MINDY4B: variants seen among roughly 807,000 people sequenced by gnomAD.
MINDY4B encodes inactive ubiquitin carboxyl-terminal hydrolase MINDY-4B.
A neutral mutation model predicts 16.7 loss-of-function variants in MINDY4B; 25 were observed. The observed-to-expected ratio is 1.49, with a 90% CI of 1.09 to 2.09. The LOEUF is 2.09. Ranked by LOEUF, MINDY4B falls within the 30% of genes most tolerant of loss-of-function variation. The probability of loss-of-function intolerance (pLI) is 0.00; values close to 1 mark genes in which losing one functional copy is unlikely to be tolerated. For missense variants in MINDY4B, 327 were observed against 168.4 expected (o/e 1.94, Z -5.21); for synonymous variants, 132 against 61.9 (o/e 2.13, Z -5.32).
At position 150,890,933 on chromosome 3, in the gene MINDY4B, C is replaced by T; in HGVS notation, c.687+5G>A. 1.4e-6 allele frequency: 1 copy of T among 702,340 alleles called. No homozygotes were observed. The highest frequency in any genetic ancestry group is 1.5e-5 in the South Asian group (1 of 67,564). 43.5% of individuals were successfully genotyped at this position (702,340 alleles called of 1,614,324 possible). On this transcript the variant is annotated splice_donor_5th_base_variant and intron_variant, in intron 6 of 11. Coordinates refer to ENST00000465419, the MANE Select transcript of MINDY4B (RefSeq NM_001351281.2). ...ATCTGCCAGGACAGGGAGAACTGCA[C>T]TTACTCGCTCAGTGAAATTGTCCAC...
chr3:150,897,790 G>A (rs1210027081), intron 3 of MINDY4B, among the ~76,000 whole-genome samples: 1 of 152,182 alleles, frequency 6.6e-6, no homozygotes, highest in Non-Finnish European at 1.5e-5. Context: ...CAATGCAATA[G>A]CACTTCAAGG....
At chr3:150,899,085 G>T (rs180858066) in intron 3 of MINDY4B, among the ~76,000 whole-genome samples, 138 of 152,286 alleles carry the variant, frequency 9.1e-4, no homozygotes, top group African/African-American at 3.3e-3. Flanking sequence ...TATCATGTTT[G>T]CCATCAATTT....
intron 8 of MINDY4B, 105 bp from the exon 9 acceptor site, chr3:150,883,877 T>C (rs1711565607): frequency 4.6e-6 from 3 of 652,550 alleles, no homozygotes; most frequent in Non-Finnish European, 8.4e-6. Flanking sequence ...CGGGCTCTCC[T>C]AGTCACTGTT....
rs190411882 is a variant in MINDY4B at position 150,892,614 on chromosome 3, G to C, written c.521+710C>G. ...AAACTTGAGCTGATCTTTAAAAATAGGCAAAAACCAAACATCATACCTTAT... is the reference window on the plus strand; with the variant it reads ...AAACTTGAGCTGATCTTTAAAAATACGCAAAAACCAAACATCATACCTTAT... On this transcript the variant is annotated intron_variant, in intron 5 of 11. Coordinates refer to ENST00000465419, the MANE Select transcript of MINDY4B (RefSeq NM_001351281.2). Among the ~76,000 whole-genome samples the C allele has an allele frequency of 4.5e-3, 684 of 152,166 alleles. 5 individuals are homozygous for C. The highest frequency in any genetic ancestry group is 8.4e-3 in the Non-Finnish European group (570 of 67,994).
chr3:150,894,867 G>A (rs752047538), intron 3 of MINDY4B, among the ~76,000 whole-genome samples: 7 of 152,144 alleles, frequency 4.6e-5, no homozygotes, highest in African/African-American at 9.7e-5. Flanking sequence ...GCATGTACTC[G>A]ATCTTGTGTG....
chr3:150,902,479 G>A (rs1418266899), intron 3 of MINDY4B, among the ~76,000 whole-genome samples: 1 of 152,182 alleles, frequency 6.6e-6, no homozygotes, highest in Non-Finnish European at 1.5e-5. Context: ...CAGCCTCTCT[G>A]GTACTTTTAC....
chr3:150,881,270 G>C (rs1318317549), intron 10 of MINDY4B, among the ~76,000 whole-genome samples: 1 of 152,158 alleles, frequency 6.6e-6, no homozygotes, highest in Non-Finnish European at 1.5e-5. Context: ...TGTAATCCCA[G>C]CTACTCGTGA....
intron 3 of MINDY4B, 36 bp downstream of exon 3, chr3:150,903,213 G>A (rs934059963): frequency 6.8e-5 from 27 of 398,194 alleles, no homozygotes; most frequent in African/African-American, 3.3e-4. Flanking sequence ...GGAAGATTAC[G>A]TTTCATTTCA....
chr3:150,876,787 CAG>C (rs1306979264), intron 10 of MINDY4B, among the ~76,000 whole-genome samples: 3 of 152,104 alleles, frequency 2.0e-5, no homozygotes, highest in African/African-American at 7.2e-5. Flanking sequence ...CCTGAAAAAT[CAG>C]AGTGGATTTT....
At chr3:150,903,179 A>C (rs1368455682) in intron 3 of MINDY4B, 70 bp downstream of exon 3, 2 of 397,884 alleles carry the variant, frequency 5.0e-6, no homozygotes, top group Non-Finnish European at 4.4e-6. Flanking sequence ...GCAGGAGATA[A>C]GATTCCCCAG....
chr3:150,884,635 C>T (rs1711578155), intron 8 of MINDY4B, among the ~76,000 whole-genome samples: 1 of 79,376 alleles, frequency 1.3e-5, no homozygotes, highest in Admixed American at 1.0e-4. Context: ...TGATAACATA[C>T]AGCATAAAAT....
intron 10 of MINDY4B, among the ~76,000 whole-genome samples, chr3:150,878,767 A>AT (rs1358815319): frequency 6.6e-6 from 1 of 152,134 alleles, no homozygotes; most frequent in Non-Finnish European, 1.5e-5. Context: ...GAAAGCTCTT[A>AT]TTTTTTTACC....
intron 10 of MINDY4B, among the ~76,000 whole-genome samples, chr3:150,882,220 A>G (rs900044953): frequency 6.6e-6 from 1 of 152,066 alleles, no homozygotes; most frequent in Admixed American, 6.5e-5. Flanking sequence ...GTGGTTTGGG[A>G]TGGGTATATT....
intron 3 of MINDY4B, among the ~76,000 whole-genome samples, chr3:150,899,675 T>C (rs547641681): frequency 3.0e-4 from 46 of 152,204 alleles, no homozygotes; most frequent in African/African-American, 1.0e-3. Flanking sequence ...TTGCTACAGG[T>C]CAGCCTCTCT....
At chr3:150,888,102 G>A (rs956860858) in intron 7 of MINDY4B, among the ~76,000 whole-genome samples, 7 of 151,930 alleles carry the variant, frequency 4.6e-5, no homozygotes, top group Admixed American at 6.6e-5. Context: ...GCAAGATTCC[G>A]TCTCAAAAAA....
chr3:150,884,979 C>A (rs545255223), intron 8 of MINDY4B, among the ~76,000 whole-genome samples: 1 of 152,294 alleles, frequency 6.6e-6, no homozygotes, highest in South Asian at 2.1e-4. Context: ...TTTGTACTTT[C>A]CACTGTGCCA....
chr3:150,894,896 AGT>A (rs1374250316), intron 3 of MINDY4B, among the ~76,000 whole-genome samples: 2 of 152,248 alleles, frequency 1.3e-5, no homozygotes, highest in Non-Finnish European at 2.9e-5. Context: ...TTATGTAAAA[AGT>A]CTAACACCCC....
chr3:150,887,068 A>C (rs920053823), intron 7 of MINDY4B, among the ~76,000 whole-genome samples: 6 of 152,238 alleles, frequency 3.9e-5, no homozygotes, highest in Non-Finnish European at 8.8e-5. Context: ...CAATAATAAT[A>C]GTGTAGAACA....
At chr3:150,890,190 G>T in intron 7 of MINDY4B, 130 bp downstream of exon 7, 1 of 421,170 alleles carries the variant, frequency 2.4e-6, no homozygotes, top group East Asian at 3.5e-5. Flanking sequence ...CTCTCATTCT[G>T]CCCTTTCTTA....
Sources: gnomAD v4.1 joint callset for allele counts (sites outside exome capture counted in the v4.1 genomes callset) on GRCh38, gnomAD v4.1.1 for gene constraint, MANE v1.5 for transcripts, NCBI Gene and HGNC (gene_info 2026-07-23, HGNC 2026-07-21) for gene names.